AMBP: variants seen among roughly 807,000 people sequenced by gnomAD.
The protein encoded by AMBP is protein AMBP.
In AMBP, 37 loss-of-function variants were observed where a neutral mutation model predicts 46.3. That is an observed-to-expected ratio of 0.80 (90% CI 0.61 to 1.05). AMBP has a LOEUF of 1.05. Ranked by LOEUF, AMBP falls within the 50% of genes least tolerant of loss-of-function variation. The probability of loss-of-function intolerance (pLI) is 0.00; values close to 1 mark genes in which losing one functional copy is unlikely to be tolerated. For missense variants in AMBP, 475 were observed against 461.2 expected (o/e 1.03, Z -0.27); for synonymous variants, 174 against 175.9 (o/e 0.99, Z 0.09).
intron 2 of AMBP, among the ~76,000 whole-genome samples, chr9:114,076,193 G>GAGGT (rs914847233): frequency 1.3e-5 from 2 of 151,996 alleles, no homozygotes; most frequent in African/African-American, 4.8e-5. Context: ...GAAAGAAAGG[G>GAGGT]AGGTGGCTTG....
chr9:114,062,265 T>C (rs1362456530), intron 7 of AMBP, among the ~76,000 whole-genome samples: 1 of 152,126 alleles, frequency 6.6e-6, no homozygotes, highest in African/African-American at 2.4e-5. Flanking sequence ...CTGATCGAGT[T>C]GGAGAGGAAG....
At chr9:114,077,871 C>A (rs1004818290) in intron 1 of AMBP, among the ~76,000 whole-genome samples, 1 of 152,206 alleles carries the variant, frequency 6.6e-6, no homozygotes, top group Non-Finnish European at 1.5e-5. Context: ...TTGGAGCCCA[C>A]GAGGACAGTG....
At chr9:114,074,197 G>A (rs1846779693) in intron 3 of AMBP, 45 bp from the exon 4 acceptor site, 2 of 1,511,966 alleles carry the variant, frequency 1.3e-6, no homozygotes, top group Non-Finnish European at 1.8e-6. Flanking sequence ...GTGGTCAGTA[G>A]ACTCTTCTAG....
At chr9:114,075,924 A>G (rs1846802234) in intron 2 of AMBP, among the ~76,000 whole-genome samples, 1 of 152,162 alleles carries the variant, frequency 6.6e-6, no homozygotes, top group African/African-American at 2.4e-5. Context: ...AGAGTTCCAG[A>G]ACTGAAAGCA....
In AMBP at chr9:114,061,563, A is replaced by G. The variant is rs141866935; in HGVS notation, c.714T>C (p.Gly238=). 5.7e-5 allele frequency: 92 copies of G among 1,607,864 alleles called. No homozygotes were observed. The highest frequency in any genetic ancestry group is 5.0e-4 in the Admixed American group (30 of 59,868). ...EDSCQLGYSA[G]PCMGMTSRYF... ...ACCTGCTGGTCATTCCCATGCAGGG[A>G]CCGGCCGAGTAGCCCAGCTGGCAGG... Residue 238 remains glycine, a synonymous_variant, in exon 8 of 10, where the codon GGT becomes GGC. Coordinates refer to ENST00000265132, the MANE Select transcript of AMBP (RefSeq NM_001633.4).
chr9:114,069,947 T>C lies in AMBP; in HGVS notation c.557-202A>G, dbSNP rs116000201. 7.3e-3 allele frequency: 4,272 copies of C among 588,558 alleles called. 163 individuals carry two copies. The highest frequency in any genetic ancestry group is 0.07 in the African/African-American group (3,799 of 53,998). The allele number at this position is 588,558 out of a possible 1,614,324, so 36.5% of individuals were successfully genotyped here. ...ACTGGTGGCTGCACCATCATTACCATCTATCCACTCCACCCCACCCCACTA... is the reference window on the plus strand; with the variant it reads ...ACTGGTGGCTGCACCATCATTACCACCTATCCACTCCACCCCACCCCACTA... On this transcript the variant is annotated intron_variant, in intron 5 of 9. Transcript: ENST00000265132.
chr9:114,078,235 T>C lies in AMBP; in HGVS notation c.-26A>G. 6.2e-7 allele frequency: 1 copy of C among 1,602,026 alleles called. No individual in the cohort carries two copies. The highest frequency in any genetic ancestry group is 1.1e-5 in the South Asian group (1 of 90,922). ...GGCTATGGGCTCCTCTGCCTTGGTA[T>C]ATCCCACAGGCTCGGTCTAGCAACA... On this transcript the variant is annotated 5_prime_UTR_variant, in exon 1 of 10. The change creates a new upstream start codon in the 5' untranslated region. Transcript: ENST00000265132.
In AMBP at chr9:114,076,757, C is replaced by T. The variant is rs754908012; in HGVS notation, c.118-17G>A. 27 of 1,612,684 alleles carry T rather than the reference C, an allele frequency of 1.7e-5. No homozygotes were observed. Among genetic ancestry groups the T allele is most frequent in the Non-Finnish European group, 2.1e-5 (25 of 1,179,202 alleles). On this transcript the variant is annotated splice_polypyrimidine_tract_variant and intron_variant, in intron 1 of 9. Coordinates refer to ENST00000265132, the MANE Select transcript of AMBP (RefSeq NM_001633.4). ...CCCATAGATCTAGGAGGCAGGTGAG[C>T]TCTGGGGGTCTGCATCAGTCTCAGA...
intron 6 of AMBP, among the ~76,000 whole-genome samples, chr9:114,063,158 AC>A (rs1267375935): frequency 1.3e-5 from 2 of 151,938 alleles, no homozygotes; most frequent in Non-Finnish European, 2.9e-5. Flanking sequence ...GGAAGGGCTG[AC>A]CAGATCATCA....
At chr9:114,071,453 G>A (rs1394259600) in intron 5 of AMBP, among the ~76,000 whole-genome samples, 1 of 152,238 alleles carries the variant, frequency 6.6e-6, no homozygotes, top group African/African-American at 2.4e-5. Context: ...GGGGGCTGAT[G>A]GCAGCCTGAC....
chr9:114,075,737 T>A (rs998999170), intron 2 of AMBP, among the ~76,000 whole-genome samples: 12 of 152,100 alleles, frequency 7.9e-5, no homozygotes, highest in African/African-American at 2.7e-4. Flanking sequence ...AAGTGTGAGG[T>A]CCTCTTCGGG....
chr9:114,075,206 A>G (rs1846793304), intron 2 of AMBP, among the ~76,000 whole-genome samples, 170 bp from the exon 3 acceptor site: 1 of 152,120 alleles, frequency 6.6e-6, no homozygotes, highest in Admixed American at 6.5e-5. Flanking sequence ...GTCTTGTTTA[A>G]TCCTCACACT....
intron 7 of AMBP, among the ~76,000 whole-genome samples, chr9:114,062,340 A>G (rs1846648170): frequency 6.6e-6 from 1 of 152,314 alleles, no homozygotes; most frequent in Admixed American, 6.5e-5. Context: ...ACTTCCTCCT[A>G]CAAGAGCCCT....
At chr9:114,068,402 C>T (rs1052882152) in intron 6 of AMBP, among the ~76,000 whole-genome samples, 5 of 151,802 alleles carry the variant, frequency 3.3e-5, no homozygotes, top group African/African-American at 1.2e-4. Context: ...GAGTTCAAGA[C>T]CAGCCTGGCC....
intron 8 of AMBP, 87 bp from the exon 9 acceptor site, chr9:114,061,185 G>C (rs1009916070): frequency 2.0e-6 from 3 of 1,508,744 alleles, no homozygotes; most frequent in Admixed American, 4.0e-5. Flanking sequence ...AGAGGGCCCT[G>C]CTCATCTAGA....
chr9:114,073,965 A>G, intron 4 of AMBP, 71 bp downstream of exon 4: 1 of 1,436,916 alleles, frequency 7.0e-7, no homozygotes. Context: ...GTGCTTACCC[A>G]CTCCACTGTC....
intron 6 of AMBP, among the ~76,000 whole-genome samples, chr9:114,064,153 A>T (rs1846669007): frequency 6.6e-6 from 1 of 152,228 alleles, no homozygotes. Flanking sequence ...TGGCCGTATG[A>T]TATAACCACA....
chr9:114,063,114 T>G (rs1414593738), intron 6 of AMBP, among the ~76,000 whole-genome samples: 4 of 152,074 alleles, frequency 2.6e-5, no homozygotes, highest in East Asian at 1.9e-4. Flanking sequence ...GAAGGCATTG[T>G]TGCACAACAG....
intron 7 of AMBP, among the ~76,000 whole-genome samples, 163 bp downstream of exon 7, chr9:114,062,514 C>T (rs1846650561): frequency 6.6e-6 from 1 of 152,212 alleles, no homozygotes; most frequent in Non-Finnish European, 1.5e-5. Context: ...CCCCCACAAC[C>T]CCTGGCAGAG....
Sources: allele counts gnomAD v4.1 joint callset (sites outside exome capture counted in the v4.1 genomes callset), GRCh38; gene constraint gnomAD v4.1.1; transcripts MANE v1.5; gene names NCBI Gene and HGNC (gene_info 2026-07-23, HGNC 2026-07-21).